Variants in RPS6KA2 observed in about 807,000 individuals in gnomAD.
The protein encoded by RPS6KA2 is ribosomal protein S6 kinase A2.
In RPS6KA2, 42 loss-of-function variants were observed where a neutral mutation model predicts 91.8. The observed-to-expected ratio is 0.46, with a 90% CI of 0.36 to 0.59. The LOEUF is 0.59. Among genes scored for constraint, RPS6KA2 ranks in the 20% least tolerant of loss-of-function variants. RPS6KA2 has a pLI of 0.00. For missense variants in RPS6KA2, 798 were observed against 978.5 expected, an observed-to-expected ratio of 0.82 and a Z score of 2.46; for synonymous variants, 414 against 393.6, an observed-to-expected ratio of 1.05 and a Z score of -0.61.
Position 166,626,843 on chromosome 6 carries a change from G to A in RPS6KA2, c.99+78C>T. ...CCTGACGGGTCTCGGGGTCCACCCA[G>A]GGGTGGCGAGGCGGGCTCGGGCGAC... is the stretch of plus-strand genomic sequence containing the variant. On this transcript the variant is annotated intron_variant, in intron 1 of 20. Coordinates refer to ENST00000265678, the MANE Select transcript of RPS6KA2 (RefSeq NM_021135.6). This position sits in a 1 kb window ranked among gnomAD's most constrained non-coding sequence, Gnocchi z 4.1. 1.6e-6 allele frequency: 2 copies of A among 1,234,096 alleles called. No individual in the cohort carries two copies. The highest frequency in any genetic ancestry group is 1.1e-6 in the Non-Finnish European group (1 of 949,784). 76.4% of individuals were successfully genotyped at this position (1,234,096 alleles called of 1,614,324 possible).
rs539499296 is a variant in RPS6KA2 at position 166,516,439 on chromosome 6, G to A, written c.299-6082C>T. On this transcript the variant is annotated intron_variant, in intron 3 of 20. Coordinates refer to ENST00000265678, the MANE Select transcript of RPS6KA2 (RefSeq NM_021135.6). ...CAGGAAGCCAGGGGTGGGGGAGGCA[G>A]GAGTGACTGCACACAGTGGGAGGGG... is the stretch of plus-strand genomic sequence containing the variant. Among the ~76,000 whole-genome samples, 30 of 152,332 alleles carry A rather than the reference G, an allele frequency of 2.0e-4. No individual in the cohort carries two copies. In the East Asian group the frequency reaches 5.8e-3, roughly 29 times the overall value.
chr6:166,716,796 A>C (rs560912202), intron 2 of RPS6KA2, among the ~76,000 whole-genome samples: 1 of 152,376 alleles, frequency 6.6e-6, no homozygotes, highest in Admixed American at 6.5e-5. Context: ...AAGGGTGATC[A>C]TTTATGCCAT....
intron 5 of RPS6KA2, among the ~76,000 whole-genome samples, chr6:166,505,592 C>T (rs1307574346): frequency 2.0e-5 from 3 of 152,316 alleles, no homozygotes; most frequent in Admixed American, 6.5e-5. Context: ...GAAGGCTGCC[C>T]GGCAAACACA....
At chr6:166,736,565 T>A (rs1790673235) in intron 2 of RPS6KA2, among the ~76,000 whole-genome samples, 1 of 152,178 alleles carries the variant, frequency 6.6e-6, no homozygotes, top group Admixed American at 6.5e-5. Context: ...AGATTCCATG[T>A]CTTAGGGAAA....
chr6:166,561,986 T>C (rs1036787295), intron 1 of RPS6KA2, among the ~76,000 whole-genome samples: 1 of 152,058 alleles, frequency 6.6e-6, no homozygotes, highest in East Asian at 1.9e-4. Context: ...TTGCAAACAT[T>C]ATGTCATTCA....
chr6:166,853,202 G>A (rs1237343679), intron 2 of RPS6KA2, among the ~76,000 whole-genome samples: 3 of 152,204 alleles, frequency 2.0e-5, no homozygotes, highest in South Asian at 4.1e-4. Flanking sequence ...ACTTTGGGAG[G>A]CCAAGGCGAG....
At chr6:166,575,015 T>A (rs558692666) in intron 1 of RPS6KA2, among the ~76,000 whole-genome samples, 9 of 152,096 alleles carry the variant, frequency 5.9e-5, no homozygotes, top group African/African-American at 1.2e-4. Context: ...ATTTAAAAAT[T>A]TCCCTGGTCT....
intron 2 of RPS6KA2, among the ~76,000 whole-genome samples, chr6:166,644,261 G>A (rs761221496): frequency 1.3e-5 from 2 of 151,948 alleles, no homozygotes; most frequent in African/African-American, 2.4e-5. Flanking sequence ...ATTCAAAAAC[G>A]AAAAGAAAGG....
At chr6:166,591,319 C>A (rs1785347357) in intron 1 of RPS6KA2, among the ~76,000 whole-genome samples, 1 of 152,194 alleles carries the variant, frequency 6.6e-6, no homozygotes, top group Admixed American at 6.5e-5. Context: ...TTAGACCAGT[C>A]ACAGTGTGGC....
In RPS6KA2 at chr6:166,508,534, C is replaced by T. The variant is rs1782347948; in HGVS notation, c.380-252G>A. Among the ~76,000 whole-genome samples the T allele has an allele frequency of 6.6e-6, 1 of 152,148 alleles. No homozygotes were observed. The highest frequency in any genetic ancestry group is 1.5e-5 in the Non-Finnish European group (1 of 68,024). ...TTCTTTCATCTTTCTTTCCTCTCCC[C>T]TCCCTCCCTTTTTTAATCACAAAGG... On this transcript the variant is annotated intron_variant, in intron 4 of 20. Coordinates refer to ENST00000265678, the MANE Select transcript of RPS6KA2 (RefSeq NM_021135.6). The surrounding 1 kb of genome is among the most constrained non-coding windows in gnomAD (Gnocchi z 4.3).
At chr6:166,476,049 G>T (rs563097046) in intron 10 of RPS6KA2, among the ~76,000 whole-genome samples, 1 of 152,152 alleles carries the variant, frequency 6.6e-6, no homozygotes, top group Admixed American at 6.5e-5. Flanking sequence ...GTCACTGCAG[G>T]TATAATGAGT....
At chr6:166,703,508 C>A (rs1005327619) in intron 2 of RPS6KA2, among the ~76,000 whole-genome samples, 3 of 152,152 alleles carry the variant, frequency 2.0e-5, no homozygotes, top group African/African-American at 7.2e-5. Flanking sequence ...ATAGAGATAC[C>A]GTGTAGTTTA....
intron 2 of RPS6KA2, among the ~76,000 whole-genome samples, chr6:166,642,193 T>C (rs1234050543): frequency 4.6e-5 from 7 of 152,114 alleles, no homozygotes; most frequent in Non-Finnish European, 1.5e-5. Context: ...TGAATGTTAA[T>C]TACTGTCAGC....
chr6:166,564,810 T>C (rs1784446070), intron 1 of RPS6KA2, among the ~76,000 whole-genome samples: 1 of 152,198 alleles, frequency 6.6e-6, no homozygotes, highest in Admixed American at 6.5e-5. Flanking sequence ...AGCGTGTCCC[T>C]GCGGCAGCAT....
intron 3 of RPS6KA2, among the ~76,000 whole-genome samples, chr6:166,527,638 G>A (rs574285374): frequency 6.6e-6 from 1 of 152,312 alleles, no homozygotes; most frequent in East Asian, 1.9e-4. Context: ...TCACAGAGTT[G>A]TGTACCATCG....
chr6:166,518,122 C>T (rs1782721377), intron 3 of RPS6KA2, among the ~76,000 whole-genome samples: 1 of 151,790 alleles, frequency 6.6e-6, no homozygotes, highest in African/African-American at 2.4e-5. Flanking sequence ...CCTGTCTCTA[C>T]TAAAAATACA....
At chr6:166,785,263 T>G (rs911329884) in intron 2 of RPS6KA2, among the ~76,000 whole-genome samples, 10 of 152,200 alleles carry the variant, frequency 6.6e-5, no homozygotes, top group African/African-American at 2.4e-4. Context: ...ACTTGGCGCT[T>G]CTTCTCTTCA....
intron 2 of RPS6KA2, among the ~76,000 whole-genome samples, chr6:166,704,577 G>A (rs896585624): frequency 6.6e-6 from 1 of 152,240 alleles, no homozygotes; most frequent in Non-Finnish European, 1.5e-5. Flanking sequence ...CAAGACACCA[G>A]GAACACACTT....
At chr6:166,789,322 C>G (rs1779018226) in intron 2 of RPS6KA2, among the ~76,000 whole-genome samples, 1 of 152,256 alleles carries the variant, frequency 6.6e-6, no homozygotes, top group Admixed American at 6.5e-5. Flanking sequence ...GGGGCGCCCG[C>G]CATTGCCCAG....
Sources: allele counts gnomAD v4.1 joint callset (sites outside exome capture counted in the v4.1 genomes callset), GRCh38; gene constraint gnomAD v4.1.1; non-coding constraint Gnocchi (gnomAD v3.1); transcripts MANE v1.5; gene names NCBI Gene and HGNC (gene_info 2026-07-23, HGNC 2026-07-21).